The following SMG7 variants were observed in gnomAD, a reference collection of about 807,000 sequenced individuals.
SMG7 encodes the protein nonsense-mediated mRNA decay factor SMG7.
In SMG7, 34 loss-of-function variants were observed where a neutral mutation model predicts 148.2. The ratio of observed to expected loss-of-function variants is 0.23; its 90% CI spans 0.17 to 0.31. The LOEUF (loss-of-function observed/expected upper bound fraction) is 0.31. Among genes scored for constraint, SMG7 ranks in the 10% least tolerant of loss-of-function variants. The probability of loss-of-function intolerance (pLI) is 1.00; values close to 1 mark genes in which losing one functional copy is unlikely to be tolerated. For synonymous variants in SMG7, 492 were observed against 515.1 expected (o/e 0.96, Z 0.61); for missense variants, 1,114 against 1,408.4 (o/e 0.79, Z 3.35).
In SMG7 at chr1:183,494,473, T is replaced by C. The variant is rs143024168; in HGVS notation, c.30-18364T>C. 3.4e-3 allele frequency among the ~76,000 whole-genome samples: 511 copies of C among 151,416 alleles called. 1 individual carries two copies. The highest frequency in any genetic ancestry group is 6.1e-3 in the Non-Finnish European group (411 of 67,848). On this transcript the variant is annotated intron_variant, in intron 1 of 22. Transcript: ENST00000688051. Reference sequence around the variant, plus strand: ...ATATATTTACTATTTCTGGCACTCGTCATCTCTTTGTTTAGTTCAAGGCTT... The same window carrying C: ...ATATATTTACTATTTCTGGCACTCGCCATCTCTTTGTTTAGTTCAAGGCTT...
rs913082140 is a variant in SMG7, at chr1:183,535,953, T to A, written c.1164-1192T>A. Among the ~76,000 whole-genome samples, 6 of 152,238 alleles carry A rather than the reference T, an allele frequency of 3.9e-5. No homozygotes were observed. In the East Asian group the frequency reaches 1.2e-3, roughly 29 times the overall value. ...ACGTTTATTCTTCAATATTTGTTTA[T>A]ATATTTTTAATATGTGTATATATTT... On this transcript the variant is annotated intron_variant, in intron 10 of 22. Coordinates refer to ENST00000688051, the MANE Select transcript of SMG7 (RefSeq NM_001375584.1).
chr1:183,507,004 G>C (rs1661077879), intron 1 of SMG7, among the ~76,000 whole-genome samples: 1 of 150,404 alleles, frequency 6.6e-6, no homozygotes. Flanking sequence ...TCAGCCTCCA[G>C]AGTAGCTGGG....
chr1:183,492,565 G>T (rs566615661), intron 1 of SMG7, among the ~76,000 whole-genome samples: 53 of 152,274 alleles, frequency 3.5e-4, no homozygotes, highest in African/African-American at 1.2e-3. Flanking sequence ...AAAATAGCCT[G>T]CCAGTTTCTA....
chr1:183,540,463 A>T (rs200440130), intron 12 of SMG7, among the ~76,000 whole-genome samples: 1 of 151,654 alleles, frequency 6.6e-6, no homozygotes, highest in African/African-American at 2.4e-5. Flanking sequence ...AAAAATCTTT[A>T]TTTTTTCAGG....
At chr1:183,496,838 CA>C (rs925660485) in intron 1 of SMG7, among the ~76,000 whole-genome samples, 3 of 151,758 alleles carry the variant, frequency 2.0e-5, no homozygotes, top group African/African-American at 7.3e-5. Context: ...TTAAAAATTG[CA>C]AAAAAAATCT....
chr1:183,477,841 T>C (rs781455856), intron 1 of SMG7, among the ~76,000 whole-genome samples: 33 of 152,150 alleles, frequency 2.2e-4, no homozygotes, highest in Non-Finnish European at 3.1e-4. Context: ...TATACATATA[T>C]TTTTTGTATG....
chr1:183,533,853 A>G lies in SMG7; in HGVS notation c.1163+21A>G, dbSNP rs755369631. On this transcript the variant is annotated intron_variant, in intron 10 of 22. Coordinates refer to ENST00000688051, the MANE Select transcript of SMG7 (RefSeq NM_001375584.1). ...CAGTAGTAAGTATTTTTAGAATTTC[A>G]TGTTAACTTGTGTGCTTTGTTTGTT... 6 of 1,587,888 alleles carry G rather than the reference A, an allele frequency of 3.8e-6. No individual in the cohort carries two copies. The African/African-American group carries it at 5.4e-5, about 14-fold the overall frequency.
chr1:183,482,152 C>CT lies in SMG7; in HGVS notation c.29+9504dup, dbSNP rs533863785. On this transcript the variant is annotated intron_variant, in intron 1 of 22. Coordinates refer to ENST00000688051, the MANE Select transcript of SMG7 (RefSeq NM_001375584.1). ...TGTAAACATTATGATCAGATTGAGA[C>CT]TACCAGTCACATTAGGCCATATAAA... Among the ~76,000 whole-genome samples the CT allele has an allele frequency of 4.2e-3, 644 of 152,130 alleles. 2 individuals carry two copies. Among genetic ancestry groups the CT allele is most frequent in the Non-Finnish European group, 7.0e-3 (476 of 68,006 alleles).
chr1:183,475,967 C>A (rs1652075703), intron 1 of SMG7, among the ~76,000 whole-genome samples: 1 of 152,150 alleles, frequency 6.6e-6, no homozygotes, highest in Non-Finnish European at 1.5e-5. Context: ...TTAAAGATTC[C>A]TGGAGCCAGT....
intron 14 of SMG7, among the ~76,000 whole-genome samples, chr1:183,542,925 ATATGTGTGTGTGTGTGTGTGTGTGTG>A (rs1422772182): frequency 2.1e-5 from 3 of 141,588 alleles, no homozygotes; most frequent in South Asian, 2.2e-4. Context: ...TAATATATAT[ATATGTGTGTGTGTGTGTGTGTGTGTG>A]TGTGTGTGTG....
rs551877011 is a variant in SMG7, at chr1:183,487,992, T to TA, written c.29+15344dup. Reference sequence around the variant, plus strand: ...ACCAGAGATACACAGATGGATGAGATACATTTCTGTTTCTGTTGGTGCTAG... The same window carrying TA: ...ACCAGAGATACACAGATGGATGAGATAACATTTCTGTTTCTGTTGGTGCTAG... On this transcript the variant is annotated intron_variant, in intron 1 of 22. Coordinates refer to ENST00000688051, the MANE Select transcript of SMG7 (RefSeq NM_001375584.1). Among the ~76,000 whole-genome samples, 41 of 152,358 alleles carry TA rather than the reference T, an allele frequency of 2.7e-4. 1 individual carries two copies. In the East Asian group the frequency reaches 7.7e-3, roughly 29 times the overall value.
chr1:183,511,129 T>G (rs907659030), intron 1 of SMG7, among the ~76,000 whole-genome samples: 91 of 151,358 alleles, frequency 6.0e-4, no homozygotes, highest in African/African-American at 1.7e-3. Flanking sequence ...AGGCCCAGTC[T>G]CTCTCTCTCA....
intron 12 of SMG7, among the ~76,000 whole-genome samples, chr1:183,539,964 T>C (rs1176025836): frequency 1.3e-5 from 2 of 152,208 alleles, no homozygotes; most frequent in African/African-American, 2.4e-5. Context: ...ATTTACCCAT[T>C]CCCAGTTGCT....
At chr1:183,473,786 G>A (rs1452284933) in intron 1 of SMG7, 3 of 985,150 alleles carry the variant, frequency 3.0e-6, no homozygotes, top group African/African-American at 1.7e-5. Context: ...CATACCTTGC[G>A]GAGGAGGGAG....
At position 183,553,174 on chromosome 1, in the gene SMG7, T is replaced by C. The variant is rs754723107; in HGVS notation, c.*1243T>C. ...AGAAGAAAACACGACGTCGTCCATTTTGGAAGAGACGAAAGAAAGGAAAAT... is the reference window on the plus strand; with the variant it reads ...AGAAGAAAACACGACGTCGTCCATTCTGGAAGAGACGAAAGAAAGGAAAAT... On this transcript the variant is annotated 3_prime_UTR_variant, in exon 23 of 23. Transcript: ENST00000688051. 6.5e-7 allele frequency: 1 copy of C among 1,536,378 alleles called. No individual in the cohort carries two copies.
At chr1:183,548,404 T>C (rs527643982) in intron 18 of SMG7, among the ~76,000 whole-genome samples, 40 of 152,318 alleles carry the variant, frequency 2.6e-4, no homozygotes, top group Non-Finnish European at 5.3e-4. Context: ...TGTCCACTTG[T>C]TTCCTAATCC....
rs1162090426 is a variant in SMG7, at chr1:183,512,855, G to A, written c.48G>A (p.Lys16=). Residue 16 remains lysine (K), a synonymous_variant, in exon 2 of 23, where the codon AAG becomes AAA. Transcript: ENST00000688051. The part of the protein sequence containing the change: ...AQYLRQAEVL[K]ADMTDSKLGP... ...TATCTAGGCAGGCAGAAGTCCTGAAGGCTGACATGACAGGTATTGGCTGGC... is the reference window on the plus strand; with the variant it reads ...TATCTAGGCAGGCAGAAGTCCTGAAAGCTGACATGACAGGTATTGGCTGGC... 1 of 1,545,212 alleles carries A rather than the reference G, an allele frequency of 6.5e-7. No homozygotes were observed. The highest frequency in any genetic ancestry group is 8.8e-7 in the Non-Finnish European group (1 of 1,137,316).
intron 1 of SMG7, among the ~76,000 whole-genome samples, chr1:183,484,826 G>A (rs1297874860): frequency 2.0e-5 from 3 of 151,994 alleles, no homozygotes; most frequent in African/African-American, 7.2e-5. Context: ...ATTTTGACCT[G>A]TTGTTTGAAA....
rs1156937764 is a variant in SMG7 at position 183,532,527 on chromosome 1, AC to A, written c.844-636del. On this transcript the variant is annotated intron_variant, in intron 8 of 22. Transcript: ENST00000688051. ...AGAAGGTAAATGAAATTTGATGATC[AC>A]GCATGTACTTCTCTAAGAGGGGAAA... 3.3e-5 allele frequency among the ~76,000 whole-genome samples: 5 copies of A among 152,344 alleles called. No homozygotes were observed. The East Asian group carries it at 9.6e-4, about 29-fold the overall frequency.
Sources: gnomAD v4.1 joint callset for allele counts (sites outside exome capture counted in the v4.1 genomes callset) on GRCh38, gnomAD v4.1.1 for gene constraint, MANE v1.5 for transcripts, NCBI Gene and HGNC (gene_info 2026-07-23, HGNC 2026-07-21) for gene names.